The following UBN2 variants were observed in gnomAD, a reference collection of about 807,000 sequenced individuals.
The protein encoded by UBN2 is ubinuclein-2.
A neutral mutation model predicts 120.2 loss-of-function variants in UBN2; 35 were observed. The observed-to-expected ratio is 0.29, with a 90% CI of 0.22 to 0.39. The LOEUF is 0.39. Ranked by LOEUF, UBN2 falls within the 10% of genes least tolerant of loss-of-function variation. UBN2 has a pLI of 1.00. For synonymous variants in UBN2, 661 were observed against 648.7 expected, an observed-to-expected ratio of 1.02 and a Z score of -0.29; for missense variants, 1,693 against 1,663.2, an observed-to-expected ratio of 1.02 and a Z score of -0.31.
intron 3 of UBN2, among the ~76,000 whole-genome samples, chr7:139,257,535 A>G (rs905223478): frequency 6.6e-6 from 1 of 151,864 alleles, no homozygotes; most frequent in Non-Finnish European, 1.5e-5. Flanking sequence ...CAGCCTCCCA[A>G]GTAGCTGGGA....
the UBN2 span, among the ~76,000 whole-genome samples, chr7:139,320,487 A>G: frequency 1.3e-5 from 2 of 151,794 alleles, no homozygotes; most frequent in Non-Finnish European, 2.9e-5. Flanking sequence ...TTCACCCAAC[A>G]CTTTAAGGTA....
At chr7:139,264,523 A>G (rs1031084313) in intron 6 of UBN2, among the ~76,000 whole-genome samples, 6 of 152,300 alleles carry the variant, frequency 3.9e-5, no homozygotes, top group South Asian at 2.1e-4. Flanking sequence ...TGCAACTTCA[A>G]TGTGGGGGTT....
At chr7:139,316,077 C>CAAAAAAAAAAAAAA in the UBN2 span, among the ~76,000 whole-genome samples, 13 of 14,184 alleles carry the variant, frequency 9.2e-4, 1 homozygote, top group Non-Finnish European at 1.9e-3. Flanking sequence ...GACTTCGTCT[C>CAAAAAAAAAAAAAA]AAAAAAAAAA....
intron 7 of UBN2, among the ~76,000 whole-genome samples, chr7:139,266,799 T>C (rs1368362144): frequency 6.6e-6 from 1 of 152,206 alleles, no homozygotes; most frequent in Non-Finnish European, 1.5e-5. Context: ...TCCGTTGATA[T>C]CTAGTGAGGT....
intron 3 of UBN2, among the ~76,000 whole-genome samples, chr7:139,253,473 G>A (rs901715780): frequency 1.3e-5 from 2 of 152,186 alleles, no homozygotes; most frequent in Admixed American, 6.5e-5. Flanking sequence ...CTTAAAGATT[G>A]GTGCTACTGG....
chr7:139,291,919 C>T (rs1012335119), intron 15 of UBN2, among the ~76,000 whole-genome samples: 15 of 151,904 alleles, frequency 9.9e-5, no homozygotes, highest in Non-Finnish European at 1.9e-4. Flanking sequence ...GATTTAATTG[C>T]CATGTAGAAA....
chr7:139,241,891 G>A (rs538412271), intron 2 of UBN2, among the ~76,000 whole-genome samples: 8 of 152,104 alleles, frequency 5.3e-5, no homozygotes, highest in South Asian at 2.1e-4. Flanking sequence ...CCAGATATTC[G>A]GGAGACTGAG....
intron 7 of UBN2, among the ~76,000 whole-genome samples, chr7:139,267,089 T>G (rs944630880): frequency 1.3e-5 from 2 of 152,230 alleles, no homozygotes; most frequent in Admixed American, 6.5e-5. Flanking sequence ...TTGACTTAGA[T>G]TTTAACCATT....
At chr7:139,273,202 C>CATTGCTGA (rs1797340538) in intron 9 of UBN2, 95 bp from the exon 10 acceptor site, 2 of 682,524 alleles carry the variant, frequency 2.9e-6, no homozygotes, top group Non-Finnish European at 4.7e-6. Context: ...TCTCTTTTAA[C>CATTGCTGA]ATTCCATTAA....
the UBN2 span, among the ~76,000 whole-genome samples, chr7:139,318,791 T>A: frequency 6.6e-6 from 1 of 152,162 alleles, no homozygotes; most frequent in East Asian, 1.9e-4. Context: ...CCGCTTCAAA[T>A]TAATTCTCAG....
intron 13 of UBN2, 43 bp downstream of exon 13, chr7:139,279,403 A>G: frequency 3.5e-6 from 5 of 1,448,016 alleles, no homozygotes; most frequent in Non-Finnish European, 4.8e-6. Context: ...TAGTTGGTGA[A>G]TGTTGAAATA....
rs1285403422 is a variant in UBN2, at chr7:139,261,551, T to C, written c.1205T>C (p.Met402Thr). The C allele has an allele frequency of 1.2e-6, 2 of 1,614,154 alleles. No homozygotes were observed. ...LFQEAENALEMLDDFDFDRLL... is the reference protein window; with the variant it reads ...LFQEAENALETLDDFDFDRLL... ...CAGGAAGCTGAAAATGCCCTAGAGA[T>C]GCTAGATGATTTTGACTTCGACAGA... The change falls in exon 6 of 18, where the codon ATG becomes ACG. Residue 402 changes from methionine to threonine, a missense_variant. Around this residue, in one of 5 missense-constraint regions of UBN2, gnomAD observed 663 missense variants for 591.2 expected, o/e 1.12. Transcript: ENST00000473989.
chr7:139,257,439 C>T lies in UBN2; in HGVS notation c.664-1049C>T, dbSNP rs182830826. ...TTCTCTTTCTTTTGAGACAGAGTCTCGCTGTGTCACCCAGTCTGGAGTGCA... is the reference window on the plus strand; with the variant it reads ...TTCTCTTTCTTTTGAGACAGAGTCTTGCTGTGTCACCCAGTCTGGAGTGCA... On this transcript the variant is annotated intron_variant, in intron 3 of 17. Transcript: ENST00000473989. Among the ~76,000 whole-genome samples the T allele has an allele frequency of 1.9e-3, 282 of 152,258 alleles. 4 individuals are homozygous for T. Among genetic ancestry groups the T allele is most frequent in the African/African-American group, 6.2e-3 (259 of 41,542 alleles).
chr7:139,235,832 G>A (rs550310641), intron 1 of UBN2, among the ~76,000 whole-genome samples: 32 of 152,178 alleles, frequency 2.1e-4, no homozygotes, highest in Non-Finnish European at 3.8e-4. Context: ...TGTCCCAAGT[G>A]TGAGGAATTG....
Position 139,303,097 on chromosome 7 carries a change from T to C in UBN2, c.*5261T>C, listed in dbSNP as rs1057083219. ...TGAAGAAATCATATAGCTGCATATC[T>C]ATCTGTTAAAAGGTTAATAAACTCA... On this transcript the variant is annotated 3_prime_UTR_variant, in exon 18 of 18. Coordinates refer to ENST00000473989, the MANE Select transcript of UBN2 (RefSeq NM_173569.4). 6.6e-6 allele frequency: 1 copy of C among 152,238 alleles called. No individual in the cohort carries two copies. Among genetic ancestry groups the C allele is most frequent in the African/African-American group, 2.4e-5 (1 of 41,458 alleles). 9.4% of individuals were successfully genotyped at this position (152,238 alleles called of 1,614,324 possible). A position where few individuals can be genotyped will look rare whatever the true frequency, so the allele number is the denominator to read the frequency against.
chr7:139,284,082 C>T lies in UBN2; in HGVS notation c.3177C>T (p.Ala1059=). The change falls in exon 15 of 18, where the codon GCC becomes GCT. Residue 1059 remains alanine, a synonymous_variant. Coordinates refer to ENST00000473989, the MANE Select transcript of UBN2 (RefSeq NM_173569.4). ...CCCTGCCCTCGCCTAAGCCTTCTGC[C>T]TCACCCAAGCCCTCTCTGTCAGCTA... The part of the protein sequence containing the change: ...PKPLPSPKPS[A]SPKPSLSAKP... 5 of 1,614,182 alleles carry T rather than the reference C, an allele frequency of 3.1e-6. No individual in the cohort carries two copies. The highest frequency in any genetic ancestry group is 4.2e-6 in the Non-Finnish European group (5 of 1,180,030).
chr7:139,261,225 C>A (rs746666295), intron 5 of UBN2, 27 bp from the exon 6 acceptor site: 10 of 1,573,112 alleles, frequency 6.4e-6, no homozygotes, highest in Non-Finnish European at 4.3e-6. Context: ...TCACACATAG[C>A]CTAACTGATC....
intron 3 of UBN2, among the ~76,000 whole-genome samples, chr7:139,257,025 A>C (rs977083084): frequency 6.6e-6 from 1 of 152,206 alleles, no homozygotes; most frequent in African/African-American, 2.4e-5. Flanking sequence ...TAAAAATCTG[A>C]CTTTCTTAAA....
At chr7:139,310,509 G>T (rs1044087725), downstream of UBN2, among the ~76,000 whole-genome samples, 6 of 152,144 alleles carry the variant, frequency 3.9e-5, no homozygotes, top group African/African-American at 1.4e-4. Context: ...CAGTGGTCAT[G>T]CCTGTAATCC....
Sources: allele counts gnomAD v4.1 joint callset (sites outside exome capture counted in the v4.1 genomes callset), GRCh38; gene constraint gnomAD v4.1.1; regional missense constraint gnomAD v4.1.1; transcripts MANE v1.5; gene names NCBI Gene and HGNC (gene_info 2026-07-23, HGNC 2026-07-21).